The following C12orf43 variants were observed in gnomAD, a reference collection of about 807,000 sequenced individuals.
C12orf43 encodes the protein chromosome 12 open reading frame 43.
A neutral mutation model predicts 20.6 loss-of-function variants in C12orf43; 15 were observed. The observed-to-expected ratio is 0.73, with a 90% CI of 0.49 to 1.12. C12orf43 has a LOEUF of 1.12. C12orf43 is among the 50% of genes most tolerant of loss of function. C12orf43 has a pLI of 0.00. For missense variants in C12orf43, 334 were observed against 344.4 expected, an observed-to-expected ratio of 0.97 and a Z score of 0.24; for synonymous variants, 144 against 130.8, an observed-to-expected ratio of 1.10 and a Z score of -0.69.
rs1868894221 is a variant in C12orf43, at chr12:121,016,201, C to G, written c.145+129G>C. The G allele has an allele frequency of 5.0e-6, 7 of 1,402,828 alleles. No individual in the cohort carries two copies. In the Admixed American group the frequency reaches 1.2e-4, roughly 25 times the overall value. 86.9% of individuals were successfully genotyped at this position (1,402,828 alleles called of 1,614,324 possible). A position where few individuals can be genotyped will look rare whatever the true frequency, so the allele number is the denominator to read the frequency against. Reference sequence around the variant, plus strand: ...GCCCATGCTTTCAATCTGCACTACACCCAGTCCCTGGAGGTCTCTCGGGGA... The same window carrying G: ...GCCCATGCTTTCAATCTGCACTACAGCCAGTCCCTGGAGGTCTCTCGGGGA... On this transcript the variant is annotated intron_variant, in intron 1 of 5. Coordinates refer to ENST00000288757, the MANE Select transcript of C12orf43 (RefSeq NM_022895.3).
Position 121,002,098 on chromosome 12 carries a change from C to T in C12orf43, c.*2055G>A, listed in dbSNP as rs1057318171. ...CTGCCCTTGTTTGGGGCAGGAGTAG[C>T]TGAGCTCACAAGGCAGCAAGGCCCG... On this transcript the variant is annotated 3_prime_UTR_variant, in exon 6 of 6. Transcript: ENST00000288757. The T allele has an allele frequency of 3.7e-6, 2 of 534,318 alleles. No homozygotes were observed. The highest frequency in any genetic ancestry group is 1.9e-5 in the African/African-American group (1 of 53,884). The allele number at this position is 534,318 out of a possible 1,614,324, so 33.1% of individuals were successfully genotyped here. A position where few individuals can be genotyped will look rare whatever the true frequency, so the allele number is the denominator to read the frequency against.
In C12orf43 at chr12:121,004,525, G is replaced by A. The variant is rs1439358858; in HGVS notation, c.453-36C>T. Reference sequence around the variant, plus strand: ...GAGAGGGTACCCTGGGTTAGCTGGAGTCAGGACACAGCCCCAGAGCTGCCT... The same window carrying A: ...GAGAGGGTACCCTGGGTTAGCTGGAATCAGGACACAGCCCCAGAGCTGCCT... On this transcript the variant is annotated intron_variant, in intron 5 of 5. Coordinates refer to ENST00000288757, the MANE Select transcript of C12orf43 (RefSeq NM_022895.3). This position sits in a 1 kb window ranked among gnomAD's most constrained non-coding sequence, Gnocchi z 5.6. The A allele has an allele frequency of 1.3e-6, 2 of 1,548,250 alleles. No homozygotes were observed. Among genetic ancestry groups the A allele is most frequent in the Non-Finnish European group, 1.7e-6 (2 of 1,150,334 alleles).
At chr12:121,014,216 C>T (rs775684545) in intron 1 of C12orf43, among the ~76,000 whole-genome samples, 1 of 151,718 alleles carries the variant, frequency 6.6e-6, no homozygotes, top group Non-Finnish European at 1.5e-5. Flanking sequence ...CCTGTAATCC[C>T]AGCTACTTAG....
At position 121,005,121 on chromosome 12, in the gene C12orf43, AAAAAC is replaced by A. The variant is rs781713819; in HGVS notation, c.362-33_362-29del. The A allele has an allele frequency of 7.1e-5, 79 of 1,116,936 alleles. No individual in the cohort carries two copies. Among genetic ancestry groups the A allele is most frequent in the Non-Finnish European group, 8.6e-5 (73 of 851,096 alleles). 69.2% of individuals were successfully genotyped at this position (1,116,936 alleles called of 1,614,324 possible). ...AAGATTCAATGGGGCAGAGTCAAACAAAAACAAAACAAAACAAAAAGAAACATAAA... is the reference window on the plus strand; with the variant it reads ...AAGATTCAATGGGGCAGAGTCAAACAAAAACAAAACAAAAAGAAACATAAA... On this transcript the variant is annotated intron_variant, in intron 4 of 5. Transcript: ENST00000288757. This position sits in a 1 kb window ranked among gnomAD's most constrained non-coding sequence, Gnocchi z 5.6.
chr12:121,007,978 T>C (rs899154818), intron 3 of C12orf43, among the ~76,000 whole-genome samples: 1 of 151,330 alleles, frequency 6.6e-6, no homozygotes, highest in Non-Finnish European at 1.5e-5. Context: ...TGAGTGCTAC[T>C]ATCATCTAGT....
intron 1 of C12orf43, among the ~76,000 whole-genome samples, chr12:121,012,030 G>C (rs1399280556): frequency 2.0e-5 from 3 of 152,126 alleles, no homozygotes; most frequent in Non-Finnish European, 4.4e-5. Context: ...ATAATGCTAA[G>C]TGTATGGAAA....
chr12:121,000,888 G>A lies in C12orf43; in HGVS notation c.*3265C>T. 3 of 791,836 alleles carry A rather than the reference G, an allele frequency of 3.8e-6. No individual in the cohort carries two copies. 49.1% of individuals were successfully genotyped at this position (791,836 alleles called of 1,614,324 possible). A position where few individuals can be genotyped will look rare whatever the true frequency, so the allele number is the denominator to read the frequency against. On this transcript the variant is annotated 3_prime_UTR_variant, in exon 6 of 6. Transcript: ENST00000288757. ...CACTCCATGGGCGGCCGTGGACCCT[G>A]GCTGGGAGGCTCCCTTTGAAGAACC...
intron 1 of C12orf43, chr12:121,016,121 T>A (rs1868882398): frequency 1.3e-6 from 1 of 780,648 alleles, no homozygotes; most frequent in African/African-American, 1.7e-5. Context: ...CAAAAGACAT[T>A]TGGGTACCTC....
intron 1 of C12orf43, 68 bp from the exon 2 acceptor site, chr12:121,011,214 G>A: frequency 7.2e-7 from 1 of 1,395,438 alleles, no homozygotes; most frequent in South Asian, 1.2e-5. Flanking sequence ...TGCGTGCCAG[G>A]CACTATTTTC....
At chr12:121,012,109 C>T (rs1048814219) in intron 1 of C12orf43, among the ~76,000 whole-genome samples, 31 of 152,188 alleles carry the variant, frequency 2.0e-4, no homozygotes, top group African/African-American at 7.0e-4. Context: ...TAAAGGTGGG[C>T]AGAGAGGGCT....
intron 1 of C12orf43, among the ~76,000 whole-genome samples, chr12:121,011,949 T>C (rs1868403552): frequency 6.6e-6 from 1 of 152,222 alleles, no homozygotes; most frequent in African/African-American, 2.4e-5. Flanking sequence ...TATCACTGTC[T>C]GCAGGAGCTT....
Position 121,005,313 on chromosome 12 carries a change from A to C in C12orf43, c.362-220T>G, listed in dbSNP as rs1169314. On this transcript the variant is annotated intron_variant, in intron 4 of 5. Transcript: ENST00000288757. This position sits in a 1 kb window ranked among gnomAD's most constrained non-coding sequence, Gnocchi z 5.6. ...AAACCCAACCAAGCAAACAAACAAA[A>C]AAAACAAAGGAGCAGAGTCAGCACC... Among the ~76,000 whole-genome samples, 1 of 151,938 alleles carries C rather than the reference A, an allele frequency of 6.6e-6. No individual in the cohort carries two copies. The highest frequency in any genetic ancestry group is 2.4e-5 in the African/African-American group (1 of 41,382).
intron 1 of C12orf43, among the ~76,000 whole-genome samples, chr12:121,013,295 T>C (rs1207500465): frequency 6.6e-6 from 1 of 152,126 alleles, no homozygotes. Flanking sequence ...GACTACAGTG[T>C]GATGAAGGTG....
At chr12:121,009,205 G>A (rs1436841495) in intron 3 of C12orf43, among the ~76,000 whole-genome samples, 1 of 152,162 alleles carries the variant, frequency 6.6e-6, no homozygotes, top group Non-Finnish European at 1.5e-5. Flanking sequence ...CAGCACTCTG[G>A]GAGGCCGAGC....
chr12:121,011,441 TTATA>T (rs1878464049), intron 1 of C12orf43, among the ~76,000 whole-genome samples: 1 of 147,978 alleles, frequency 6.8e-6, no homozygotes, highest in African/African-American at 2.5e-5. Context: ...TATAACTTAG[TTATA>T]TATATAAAAC....
chr12:121,000,982 C>T lies in C12orf43; in HGVS notation c.*3171G>A. Reference sequence around the variant, plus strand: ...TCCAGGAGGTGTGGCCCTGCCTCCCCATCCTGAGTACCCCTAGGGACAGGC... The same window carrying T: ...TCCAGGAGGTGTGGCCCTGCCTCCCTATCCTGAGTACCCCTAGGGACAGGC... On this transcript the variant is annotated 3_prime_UTR_variant, in exon 6 of 6. Transcript: ENST00000288757. 6.3e-6 allele frequency: 10 copies of T among 1,584,640 alleles called. No homozygotes were observed. In the South Asian group the frequency reaches 1.1e-4, roughly 18 times the overall value.
chr12:121,013,336 C>CAGAGGG (rs1326291757), intron 1 of C12orf43, among the ~76,000 whole-genome samples: 1 of 152,192 alleles, frequency 6.6e-6, no homozygotes, highest in Non-Finnish European at 1.5e-5. Context: ...AACAGTATTA[C>CAGAGGG]AGAGGGAGAC....
chr12:121,014,623 TC>T lies in C12orf43; in HGVS notation c.145+1706del, dbSNP rs1426921220. 1.1e-4 allele frequency among the ~76,000 whole-genome samples: 9 copies of T among 81,584 alleles called. No homozygotes were observed. The Admixed American group carries it at 1.6e-3, about 14-fold the overall frequency. 53.5% of individuals were successfully genotyped at this position (81,584 alleles called of 152,430 possible). ...GCAGCCTGGGCAACAAGAGTGAAAC[TC>T]CATCTCAAAAAAAAAAAATGCAAAA... On this transcript the variant is annotated intron_variant, in intron 1 of 5. Transcript: ENST00000288757.
At chr12:121,013,722 T>C (rs1395642377) in intron 1 of C12orf43, among the ~76,000 whole-genome samples, 1 of 152,208 alleles carries the variant, frequency 6.6e-6, no homozygotes, top group Non-Finnish European at 1.5e-5. Context: ...ATTTCCACAG[T>C]CATGGACCAA....
Sources: gnomAD v4.1 joint callset for allele counts (sites outside exome capture counted in the v4.1 genomes callset) on GRCh38, gnomAD v4.1.1 for gene constraint, Gnocchi (gnomAD v3.1) non-coding constraint, MANE v1.5 for transcripts, NCBI Gene and HGNC (gene_info 2026-07-23, HGNC 2026-07-21) for gene names.